The following AGT variants were observed in gnomAD, a reference collection of about 807,000 sequenced individuals.
The protein encoded by AGT is alpha-1 antiproteinase, antitrypsin.
Under a neutral mutation model 28.1 loss-of-function variants are expected in AGT, and 26 were observed. The ratio of observed to expected loss-of-function variants is 0.92; its 90% confidence interval spans 0.68 to 1.28. AGT has a LOEUF of 1.28. Ranked by LOEUF, AGT falls within the 50% of genes most tolerant of loss-of-function variation. AGT has a pLI of 0.00. For synonymous variants in AGT, 259 were observed against 259.6 expected, an observed-to-expected ratio of 1.00 and a Z score of 0.02; for missense variants, 596 against 592.3, an observed-to-expected ratio of 1.01 and a Z score of -0.06.
intron 1 of AGT, among the ~76,000 whole-genome samples, chr1:230,738,647 C>T (rs567173539): frequency 6.6e-6 from 1 of 152,270 alleles, no homozygotes; most frequent in South Asian, 2.1e-4. Context: ...CTAATGCTAC[C>T]TTGCCAAAGG....
At chr1:230,728,993 G>A (rs562782369) in intron 1 of AGT, among the ~76,000 whole-genome samples, 11 of 152,268 alleles carry the variant, frequency 7.2e-5, no homozygotes, top group South Asian at 2.1e-4. Context: ...AAAGCCTTCC[G>A]GAAATGTGGT....
intron 1 of AGT, among the ~76,000 whole-genome samples, chr1:230,732,615 G>A (rs192765183): frequency 8.5e-5 from 13 of 152,140 alleles, no homozygotes; most frequent in East Asian, 1.9e-4. Flanking sequence ...TTTTTATGTC[G>A]TAGGTATTAA....
Position 230,702,983 on chromosome 1 carries a change from G to T in AGT, c.*158C>A. 1.3e-6 allele frequency: 1 copy of T among 796,826 alleles called. No homozygotes were observed. The highest frequency in any genetic ancestry group is 2.0e-6 in the Non-Finnish European group (1 of 510,184). The allele number at this position is 796,826 out of a possible 1,614,324, so 49.4% of individuals were successfully genotyped here. A position where few individuals can be genotyped will look rare whatever the true frequency, so the allele number is the denominator to read the frequency against. On this transcript the variant is annotated 3_prime_UTR_variant, in exon 5 of 5. Transcript: ENST00000366667. Reference sequence around the variant, plus strand: ...CAGCACACTTAGACCAAGGAGAAACGGCTGCTTTCCAGCTCAAAGTCGACT... The same window carrying T: ...CAGCACACTTAGACCAAGGAGAAACTGCTGCTTTCCAGCTCAAAGTCGACT...
chr1:230,710,999 G>A (rs1220930239), intron 1 of AGT, 146 bp from the exon 2 acceptor site: 2 of 1,137,666 alleles, frequency 1.8e-6, no homozygotes, highest in East Asian at 2.6e-5. Flanking sequence ...AAGAAGAAAT[G>A]GATTCAAAGC....
intron 1 of AGT, among the ~76,000 whole-genome samples, chr1:230,734,169 C>G (rs1184872336): frequency 6.6e-6 from 1 of 152,040 alleles, no homozygotes; most frequent in East Asian, 1.9e-4. Flanking sequence ...AATAGAAAGA[C>G]AAAATATGAC....
At chr1:230,708,849 G>A (rs918996379) in intron 2 of AGT, among the ~76,000 whole-genome samples, 1 of 152,224 alleles carries the variant, frequency 6.6e-6, no homozygotes, top group African/African-American at 2.4e-5. Flanking sequence ...TGAACAGAAC[G>A]CGTCCCCATT....
chr1:230,736,944 T>C (rs1249918686), intron 1 of AGT, among the ~76,000 whole-genome samples: 2 of 152,144 alleles, frequency 1.3e-5, no homozygotes, highest in Non-Finnish European at 2.9e-5. Flanking sequence ...AATCGAAAGC[T>C]CTGTTCTCCT....
chr1:230,720,230 C>G (rs1663816713), intron 1 of AGT, among the ~76,000 whole-genome samples: 1 of 152,110 alleles, frequency 6.6e-6, no homozygotes, highest in Non-Finnish European at 1.5e-5. Context: ...CATGGTGGTT[C>G]CAACTGATTT....
chr1:230,713,876 C>T (rs2102793947), intron 1 of AGT, among the ~76,000 whole-genome samples: 1 of 152,278 alleles, frequency 6.6e-6, no homozygotes, highest in Non-Finnish European at 1.5e-5. Flanking sequence ...ACCATCTTGT[C>T]CTATTGCTGA....
upstream of AGT, among the ~76,000 whole-genome samples, chr1:230,715,731 C>A (rs79955305): frequency 1.9e-3 from 282 of 152,256 alleles, 8 homozygotes; most frequent in East Asian, 0.048. Flanking sequence ...TAAGCAACAA[C>A]CTTGTGCCCA....
intron 3 of AGT, 81 bp from the exon 4 acceptor site, chr1:230,704,418 T>A: frequency 1.9e-6 from 3 of 1,541,566 alleles, no homozygotes; most frequent in Non-Finnish European, 2.7e-6. Flanking sequence ...CTTATGCTCC[T>A]TGCACCCAAC....
chr1:230,731,166 G>A (rs1249432237), intron 1 of AGT, among the ~76,000 whole-genome samples: 1 of 152,286 alleles, frequency 6.6e-6, no homozygotes, highest in Middle Eastern at 3.4e-3. Context: ...GGTCACTTGT[G>A]TCTGAGGCTT....
chr1:230,719,414 T>TG (rs1558291320), upstream of AGT, among the ~76,000 whole-genome samples: 7 of 104,342 alleles, frequency 6.7e-5, no homozygotes, highest in South Asian at 3.4e-4. Context: ...ATGTTTTTTT[T>TG]TTTTTTTTTT....
chr1:230,728,279 C>T (rs188109348), intron 1 of AGT, among the ~76,000 whole-genome samples: 21 of 152,268 alleles, frequency 1.4e-4, no homozygotes, highest in Admixed American at 5.2e-4. Flanking sequence ...TCCAGAATAA[C>T]GGCTGGTGAT....
At chr1:230,719,223 GCTC>G (rs1249806085), upstream of AGT, among the ~76,000 whole-genome samples, 2 of 152,066 alleles carry the variant, frequency 1.3e-5, no homozygotes, top group African/African-American at 4.8e-5. Flanking sequence ...CCAGATGCCT[GCTC>G]CTCCTATTGA....
intron 1 of AGT, among the ~76,000 whole-genome samples, chr1:230,713,102 A>G (rs1299718369): frequency 1.3e-5 from 2 of 152,036 alleles, no homozygotes; most frequent in African/African-American, 4.8e-5. Flanking sequence ...GGGCACTCTC[A>G]ACTCTCTCAT....
At chr1:230,712,257 A>G (rs898169431) in intron 1 of AGT, among the ~76,000 whole-genome samples, 1 of 152,078 alleles carries the variant, frequency 6.6e-6, no homozygotes, top group Non-Finnish European at 1.5e-5. Flanking sequence ...ATACCCAGTC[A>G]TTCTTCTTAC....
chr1:230,739,593 T>A (rs1664212145), intron 1 of AGT, among the ~76,000 whole-genome samples: 1 of 152,064 alleles, frequency 6.6e-6, no homozygotes, highest in African/African-American at 2.4e-5. Flanking sequence ...CAGGCTGAGC[T>A]TCCGGGGTAA....
rs1663860399 is a variant in AGT, at chr1:230,722,276, G to A, written c.-30-11423C>T. Among the ~76,000 whole-genome samples, 2 of 152,238 alleles carry A rather than the reference G, an allele frequency of 1.3e-5. 1 individual carries two copies. Among genetic ancestry groups the A allele is most frequent in the Non-Finnish European group, 2.9e-5 (2 of 68,042 alleles). ...GAGGTTTGGGAACCTAGATTTCAGA[G>A]TATGTATGGAAATGCCTGGATGTCC... On this transcript the variant is annotated intron_variant, in intron 1 of 4. Transcript: ENST00000681269.
Sources: gnomAD v4.1 joint callset for allele counts (sites outside exome capture counted in the v4.1 genomes callset) on GRCh38, gnomAD v4.1.1 for gene constraint, MANE v1.5 for transcripts, NCBI Gene and HGNC (gene_info 2026-07-23, HGNC 2026-07-21) for gene names.